The following DMD variants were observed in gnomAD, a reference collection of about 807,000 sequenced individuals.
DMD encodes the protein mutant dystrophin.
Under a neutral mutation model 330.1 loss-of-function variants are expected in DMD, and 63 were observed. The ratio of observed to expected loss-of-function variants is 0.19; its 90% CI spans 0.16 to 0.24. The LOEUF (loss-of-function observed/expected upper bound fraction) is 0.24, where lower values mean the gene tolerates loss of function less well. Among genes scored for constraint, DMD ranks in the 10% least tolerant of loss-of-function variants. The probability of loss-of-function intolerance (pLI) is 1.00; values close to 1 mark genes in which losing one functional copy is unlikely to be tolerated. For synonymous variants in DMD, 1,223 were observed against 959.8 expected, an observed-to-expected ratio of 1.27 and a Z score of -5.07; for missense variants, 3,344 against 2,684.1, an observed-to-expected ratio of 1.25 and a Z score of -5.43.
chrX:32,450,104 C>A (rs1026176686), intron 26 of DMD, among the ~76,000 whole-genome samples: 12 of 110,880 alleles, frequency 1.1e-4, no homozygotes, highest in African/African-American at 3.6e-4. Context: ...TGCAAGCCTA[C>A]CACACAAGTG....
chrX:32,804,419 T>G (rs1362846297), intron 7 of DMD, among the ~76,000 whole-genome samples: 5 of 112,472 alleles, frequency 4.4e-5, no homozygotes, highest in African/African-American at 1.6e-4. Context: ...AGACTGCCTC[T>G]CTAGATTCTT....
At chrX:32,681,241 G>A (rs1483033024) in intron 9 of DMD, among the ~76,000 whole-genome samples, 2 of 111,130 alleles carry the variant, frequency 1.8e-5, no homozygotes, top group East Asian at 5.6e-4. Context: ...TTACTCTATG[G>A]AAATCTTCCT....
chrX:31,772,254 CAGATAGT>C lies in DMD; in HGVS notation c.7542+1699_7542+1705del, dbSNP rs1257215605. ...TTAATCCTGATGACAAACTGCAAGG[CAGATAGT>C]ACAACTATCCCCATTTTATAGCTAG... On this transcript the variant is annotated intron_variant, in intron 51 of 78. Transcript: ENST00000357033. Among the ~76,000 whole-genome samples, 6 of 111,986 alleles carry C rather than the reference CAGATAGT, an allele frequency of 5.4e-5. No individual in the cohort carries two copies. The East Asian group carries it at 1.7e-3, about 32-fold the overall frequency.
At chrX:33,065,892 T>C (rs191056933) in intron 1 of DMD, among the ~76,000 whole-genome samples, 1 of 111,603 alleles carries the variant, frequency 9.0e-6, no homozygotes, top group East Asian at 2.8e-4. Context: ...GTTTAGACAA[T>C]AAAACCGAAG....
In DMD at chrX:32,557,285, T is replaced by A. The variant is rs1259359905; in HGVS notation, c.1992+8417A>T. 2.7e-5 allele frequency among the ~76,000 whole-genome samples: 3 copies of A among 111,938 alleles called. No homozygotes were observed. In the Admixed American group the frequency reaches 2.8e-4, roughly 11 times the overall value. ...TACACTTTTTTGAATGGTGGTTTCC[T>A]TTTAAGGGGTGTGTATTTGTATGCA... is the stretch of plus-strand genomic sequence containing the variant. On this transcript the variant is annotated intron_variant, in intron 16 of 78. Coordinates refer to ENST00000357033, the MANE Select transcript of DMD (RefSeq NM_004006.3).
chrX:31,412,206 A>AAAAAAG (rs765872095), intron 60 of DMD, among the ~76,000 whole-genome samples: 3 of 94,181 alleles, frequency 3.2e-5, no homozygotes, highest in East Asian at 4.8e-4. Flanking sequence ...AAAAAAAAAA[A>AAAAAAG]AGAGAGAGAG....
chrX:32,798,328 G>GT (rs201625568), intron 7 of DMD, among the ~76,000 whole-genome samples: 11,563 of 111,178 alleles, frequency 0.1, 1,438 homozygotes, highest in African/African-American at 0.35. Flanking sequence ...AAAATACTCA[G>GT]TTTTTTTATG....
At chrX:32,781,444 C>A (rs12007133) in intron 7 of DMD, among the ~76,000 whole-genome samples, 9,415 of 111,572 alleles carry the variant, frequency 0.084, 979 homozygotes, top group African/African-American at 0.29. Flanking sequence ...ACAAAATCAA[C>A]GAAACATTTG....
At chrX:32,538,266 G>A (rs778538514) in intron 17 of DMD, among the ~76,000 whole-genome samples, 10 of 111,659 alleles carry the variant, frequency 9.0e-5, no homozygotes, top group Non-Finnish European at 1.3e-4. Context: ...GAAAATGCCC[G>A]GTTGCTGCCT....
intron 47 of DMD, among the ~76,000 whole-genome samples, chrX:31,888,879 G>T (rs2094193536): frequency 8.9e-6 from 1 of 112,062 alleles, no homozygotes; most frequent in Admixed American, 9.5e-5. Context: ...ATAGCTCTCG[G>T]AATATTACTT....
chrX:32,895,240 TAAC>T (rs1210242690), intron 2 of DMD, among the ~76,000 whole-genome samples: 1 of 112,383 alleles, frequency 8.9e-6, no homozygotes, highest in Non-Finnish European at 1.9e-5. Context: ...AGTCAGTCCA[TAAC>T]AACAAGTGAA....
At chrX:32,486,438 T>A (rs1603634646) in intron 20 of DMD, among the ~76,000 whole-genome samples, 2 of 111,606 alleles carry the variant, frequency 1.8e-5, no homozygotes, top group Admixed American at 1.9e-4. Context: ...GTGGCTTGAA[T>A]TTGTGGCTAG....
At chrX:31,772,563 C>G (rs1339779911) in intron 51 of DMD, among the ~76,000 whole-genome samples, 1 of 111,622 alleles carries the variant, frequency 9.0e-6, no homozygotes, top group African/African-American at 3.3e-5. Context: ...ATACAAATCA[C>G]TAAATAGTAA....
At chrX:32,436,011 C>T (rs2098259797) in intron 29 of DMD, among the ~76,000 whole-genome samples, 1 of 112,057 alleles carries the variant, frequency 8.9e-6, no homozygotes, top group Admixed American at 9.5e-5. Flanking sequence ...TAGGCTACTT[C>T]CCTGTGAATT....
rs564694131 is a variant in DMD, at chrX:32,141,724, C to CACACAT, written c.6438+75191_6438+75192insATGTGT. Among the ~76,000 whole-genome samples the CACACAT allele has an allele frequency of 4.7e-3, 485 of 103,361 alleles. 11 individuals carry two copies. The highest frequency in any genetic ancestry group is 0.014 in the African/African-American group (402 of 28,015). The allele number at this position is 103,361 out of a possible 115,157, so 89.8% of individuals were successfully genotyped here. ...ACACACACACACACACACACACACA[C>CACACAT]GATCTTGCATGGTTTCTCAAATAAT... On this transcript the variant is annotated intron_variant, in intron 44 of 78. Transcript: ENST00000357033.
intron 44 of DMD, among the ~76,000 whole-genome samples, chrX:32,081,226 T>C (rs1326373682): frequency 8.9e-6 from 1 of 112,212 alleles, no homozygotes; most frequent in Non-Finnish European, 1.9e-5. Context: ...AGTATAAAAC[T>C]GCTTAATTGC....
intron 1 of DMD, among the ~76,000 whole-genome samples, chrX:33,307,379 G>C (rs1223379382): frequency 2.7e-5 from 3 of 111,778 alleles, no homozygotes; most frequent in Non-Finnish European, 5.6e-5. Context: ...TTTCACTCAC[G>C]AGTCATCCTT....
chrX:32,576,146 C>T (rs1269304975), intron 13 of DMD, among the ~76,000 whole-genome samples: 1 of 111,529 alleles, frequency 9.0e-6, no homozygotes, highest in African/African-American at 3.3e-5. Flanking sequence ...TAGAGTAGTT[C>T]TCCTTTATCC....
chrX:32,821,779 T>A (rs1228204660), intron 5 of DMD, among the ~76,000 whole-genome samples: 2 of 110,233 alleles, frequency 1.8e-5, no homozygotes, highest in African/African-American at 6.6e-5. Context: ...AGAAATAGAT[T>A]GACAATTGCC....
Sources: allele counts gnomAD v4.1 joint callset (sites outside exome capture counted in the v4.1 genomes callset), GRCh38; gene constraint gnomAD v4.1.1; transcripts MANE v1.5; gene names NCBI Gene and HGNC (gene_info 2026-07-23, HGNC 2026-07-21).